CNTNAP2: variants seen among roughly 807,000 people sequenced by gnomAD.
The protein encoded by CNTNAP2 is contactin-associated protein-like 2.
A neutral mutation model predicts 155.2 loss-of-function variants in CNTNAP2; 98 were observed. That is an observed-to-expected ratio of 0.63 (90% CI 0.54 to 0.75). CNTNAP2 has a LOEUF of 0.75. Among genes scored for constraint, CNTNAP2 ranks in the 30% least tolerant of loss-of-function variants. The pLI is 0.00. For missense variants in CNTNAP2, 1,727 were observed against 1,688.1 expected, an observed-to-expected ratio of 1.02 and a Z score of -0.40; for synonymous variants, 651 against 631.2, an observed-to-expected ratio of 1.03 and a Z score of -0.47.
chr7:147,683,109 T>C (rs183038505), intron 13 of CNTNAP2, among the ~76,000 whole-genome samples: 5 of 152,010 alleles, frequency 3.3e-5, no homozygotes, highest in Non-Finnish European at 5.9e-5. Flanking sequence ...CTATGAAGTA[T>C]TCGGGGCATT....
intron 12 of CNTNAP2, among the ~76,000 whole-genome samples, chr7:147,631,170 ACAC>A (rs1795079435): frequency 6.6e-6 from 1 of 152,182 alleles, no homozygotes; most frequent in African/African-American, 2.4e-5. Flanking sequence ...GCACTGCTAT[ACAC>A]CAACAACAAC....
intron 15 of CNTNAP2, among the ~76,000 whole-genome samples, chr7:148,062,457 A>G (rs908280224): frequency 6.6e-6 from 1 of 152,170 alleles, no homozygotes; most frequent in African/African-American, 2.4e-5. Context: ...AAAATGTGGC[A>G]TATTAATTTC....
intron 1 of CNTNAP2, among the ~76,000 whole-genome samples, chr7:146,697,251 A>ATT (rs200971747): frequency 6.6e-6 from 1 of 151,254 alleles, no homozygotes; most frequent in Non-Finnish European, 1.5e-5. Context: ...TTATTTATTT[A>ATT]TTTTGAGACA....
At chr7:147,006,773 T>G (rs1798532440) in intron 3 of CNTNAP2, among the ~76,000 whole-genome samples, 1 of 152,138 alleles carries the variant, frequency 6.6e-6, no homozygotes, top group Admixed American at 6.6e-5. Flanking sequence ...GTCATTTTAC[T>G]ATGTTTCCTT....
At chr7:147,546,141 T>C (rs1799725620) in intron 11 of CNTNAP2, among the ~76,000 whole-genome samples, 1 of 152,140 alleles carries the variant, frequency 6.6e-6, no homozygotes, top group Admixed American at 6.5e-5. Context: ...TTTGCTAATG[T>C]CTCTTTAATC....
At chr7:148,163,326 T>C (rs1182932784) in intron 17 of CNTNAP2, among the ~76,000 whole-genome samples, 2 of 152,166 alleles carry the variant, frequency 1.3e-5, no homozygotes, top group Non-Finnish European at 2.9e-5. Flanking sequence ...GAGAGTAAAG[T>C]TCTGGAATAG....
At chr7:146,226,877 T>C (rs1279723650) in intron 1 of CNTNAP2, among the ~76,000 whole-genome samples, 6 of 152,310 alleles carry the variant, frequency 3.9e-5, no homozygotes, top group Admixed American at 1.3e-4. Flanking sequence ...TTATTTTGTA[T>C]TTCATTTTTA....
chr7:147,942,833 C>A (rs1381058411), intron 14 of CNTNAP2, among the ~76,000 whole-genome samples: 1 of 152,004 alleles, frequency 6.6e-6, no homozygotes. Flanking sequence ...GTCAGGAGAT[C>A]GAGACCATCC....
At chr7:148,032,653 C>T (rs1215713949) in intron 15 of CNTNAP2, among the ~76,000 whole-genome samples, 1 of 152,160 alleles carries the variant, frequency 6.6e-6, no homozygotes, top group Non-Finnish European at 1.5e-5. Flanking sequence ...ATCCTCTGCA[C>T]TTGTTCAGAG....
At chr7:147,434,985 C>T (rs1797527776) in intron 10 of CNTNAP2, among the ~76,000 whole-genome samples, 1 of 152,168 alleles carries the variant, frequency 6.6e-6, no homozygotes, top group African/African-American at 2.4e-5. Context: ...GCACCAAATT[C>T]ATACAGATTT....
intron 1 of CNTNAP2, among the ~76,000 whole-genome samples, chr7:146,681,911 T>C (rs950294869): frequency 6.6e-6 from 1 of 152,172 alleles, no homozygotes; most frequent in African/African-American, 2.4e-5. Flanking sequence ...ATCATCTCTA[T>C]CTAAGTATTC....
chr7:147,652,854 A>C (rs533768802), intron 13 of CNTNAP2, among the ~76,000 whole-genome samples: 18 of 152,198 alleles, frequency 1.2e-4, no homozygotes, highest in Non-Finnish European at 2.1e-4. Flanking sequence ...ATGGGCTTCC[A>C]GCATAGTTAA....
intron 6 of CNTNAP2, among the ~76,000 whole-genome samples, chr7:147,127,022 GA>G (rs1801254275): frequency 6.6e-6 from 1 of 152,050 alleles, no homozygotes; most frequent in African/African-American, 2.4e-5. Context: ...GCACACAGAG[GA>G]ATATGTATTT....
In CNTNAP2 at chr7:146,925,733, T is replaced by C. The variant is rs528479168; in HGVS notation, c.402+85829T>C. ...AAGCTCTATTAAATTCCAGATCCTG[T>C]TCTTTTTGATGCTCTGACAACACCT... On this transcript the variant is annotated intron_variant, in intron 3 of 23. Transcript: ENST00000361727. Among the ~76,000 whole-genome samples the C allele has an allele frequency of 2.6e-5, 4 of 152,270 alleles. No individual in the cohort carries two copies. In the South Asian group the frequency reaches 8.3e-4, roughly 32 times the overall value.
intron 3 of CNTNAP2, among the ~76,000 whole-genome samples, chr7:146,992,861 A>T (rs1451643349): frequency 6.6e-6 from 1 of 152,218 alleles, no homozygotes; most frequent in Non-Finnish European, 1.5e-5. Context: ...TTAATGCTTT[A>T]TCTCCTTCCT....
intron 9 of CNTNAP2, among the ~76,000 whole-genome samples, chr7:147,310,795 A>T (rs1795109605): frequency 6.6e-6 from 1 of 152,244 alleles, no homozygotes; most frequent in Non-Finnish European, 1.5e-5. Context: ...AACCATTGCA[A>T]TAGATACAGG....
intron 13 of CNTNAP2, among the ~76,000 whole-genome samples, chr7:147,641,010 G>A (rs547304088): frequency 1.3e-5 from 2 of 152,174 alleles, no homozygotes; most frequent in Non-Finnish European, 2.9e-5. Flanking sequence ...ATGTGGGGGC[G>A]GCCATGTTGC....
At chr7:146,915,291 G>A (rs191419644) in intron 3 of CNTNAP2, among the ~76,000 whole-genome samples, 32 of 152,066 alleles carry the variant, frequency 2.1e-4, no homozygotes, top group African/African-American at 7.5e-4. Context: ...CTTTGGCTGT[G>A]CAGATTCTTT....
chr7:147,578,457 C>A (rs10952697), intron 12 of CNTNAP2, among the ~76,000 whole-genome samples: 103,147 of 151,216 alleles, frequency 0.68, 35,584 homozygotes, highest in African/African-American at 0.78. Flanking sequence ...ACAGACATGA[C>A]CTTATTCACA....
Sources: gnomAD v4.1 joint callset for allele counts (sites outside exome capture counted in the v4.1 genomes callset) on GRCh38, gnomAD v4.1.1 for gene constraint, MANE v1.5 for transcripts, NCBI Gene and HGNC (gene_info 2026-07-23, HGNC 2026-07-21) for gene names.